The following LVRN variants were observed in gnomAD, a reference collection of about 807,000 sequenced individuals.
The protein encoded by LVRN is laeverin.
In LVRN, 99 loss-of-function variants were observed where a neutral mutation model predicts 111.4. That is an observed-to-expected ratio of 0.89 (90% confidence interval 0.76 to 1.05). The LOEUF (loss-of-function observed/expected upper bound fraction) is 1.05. Among genes scored for constraint, LVRN ranks in the 50% least tolerant of loss-of-function variants. The pLI is 0.00. For synonymous variants in LVRN, 488 were observed against 449.5 expected (o/e 1.09, Z -1.08); for missense variants, 1,414 against 1,206.8 (o/e 1.17, Z -2.54).
chr5:116,005,861 C>T (rs189698134), intron 12 of LVRN, 51 bp from the exon 13 acceptor site: 22 of 1,491,110 alleles, frequency 1.5e-5, no homozygotes, highest in South Asian at 9.0e-5. Flanking sequence ...GAAAACTTTG[C>T]GGAAAAATGT....
chr5:115,994,727 A>G (rs555224290), intron 6 of LVRN, among the ~76,000 whole-genome samples: 1 of 152,332 alleles, frequency 6.6e-6, no homozygotes, highest in East Asian at 1.9e-4. Flanking sequence ...TGAAAATCTA[A>G]TTCTTTCAAC....
intron 6 of LVRN, 142 bp from the exon 7 acceptor site, chr5:115,999,620 C>G (rs1468520625): frequency 4.0e-5 from 32 of 797,656 alleles, no homozygotes; most frequent in African/African-American, 3.6e-5. Flanking sequence ...CTTTATTTGG[C>G]ATATTTCAAC....
chr5:116,002,041 AC>A (rs768832925), intron 10 of LVRN, among the ~76,000 whole-genome samples: 80 of 152,344 alleles, frequency 5.3e-4, no homozygotes, highest in Non-Finnish European at 9.4e-4. Flanking sequence ...ATTTTCAAAT[AC>A]AATCACCAAA....
intron 10 of LVRN, among the ~76,000 whole-genome samples, 199 bp downstream of exon 10, chr5:116,001,438 C>G (rs921435875): frequency 6.6e-6 from 1 of 152,186 alleles, no homozygotes; most frequent in Non-Finnish European, 1.5e-5. Context: ...AGACACAGTG[C>G]CCCTACCCTG....
intron 13 of LVRN, chr5:116,010,398 T>C: frequency 2.7e-6 from 1 of 365,776 alleles, no homozygotes; most frequent in South Asian, 2.3e-5. Flanking sequence ...AGATAGAGAA[T>C]GACTTCTAAT....
intron 1 of LVRN, among the ~76,000 whole-genome samples, chr5:115,977,953 A>G (rs1753482263): frequency 6.6e-6 from 1 of 152,246 alleles, no homozygotes; most frequent in African/African-American, 2.4e-5. Flanking sequence ...TAGAAAGATC[A>G]AGATCAAATA....
intron 9 of LVRN, 45 bp downstream of exon 9, chr5:116,000,703 A>C: frequency 6.3e-7 from 1 of 1,594,074 alleles, no homozygotes; most frequent in Non-Finnish European, 8.6e-7. Flanking sequence ...GTTGTTTTGT[A>C]TGATACAGGA....
intron 3 of LVRN, among the ~76,000 whole-genome samples, chr5:115,985,324 G>A (rs1747832768): frequency 6.6e-6 from 1 of 152,066 alleles, no homozygotes; most frequent in African/African-American, 2.4e-5. Flanking sequence ...TTTATTAAGG[G>A]AACTTAAAGA....
intron 18 of LVRN, chr5:116,021,302 A>G (rs1234280564): frequency 6.6e-6 from 1 of 152,172 alleles, no homozygotes; most frequent in Non-Finnish European, 1.5e-5. Context: ...TCTGTTTTCC[A>G]TTTTTATTTT....
chr5:115,996,173 T>C (rs1580388481), intron 6 of LVRN, among the ~76,000 whole-genome samples: 1 of 152,172 alleles, frequency 6.6e-6, no homozygotes, highest in African/African-American at 2.4e-5. Flanking sequence ...AGGGAAGAAG[T>C]TTAATTCCCA....
intron 18 of LVRN, among the ~76,000 whole-genome samples, chr5:116,018,283 T>C (rs778403198): frequency 6.6e-6 from 1 of 152,242 alleles, no homozygotes; most frequent in Non-Finnish European, 1.5e-5. Flanking sequence ...GGTTCTCTAT[T>C]TACTTTCTCC....
intron 18 of LVRN, among the ~76,000 whole-genome samples, chr5:116,018,173 G>T (rs531616613): frequency 6.6e-6 from 1 of 152,154 alleles, no homozygotes; most frequent in South Asian, 2.1e-4. Context: ...TAAAATAATT[G>T]CCAATTAATA....
chr5:116,002,546 C>A (rs560468081), intron 10 of LVRN, among the ~76,000 whole-genome samples: 1 of 152,304 alleles, frequency 6.6e-6, no homozygotes, highest in East Asian at 1.9e-4. Context: ...TATAATTTAA[C>A]ATACACACGC....
intron 1 of LVRN, among the ~76,000 whole-genome samples, chr5:115,965,303 G>A (rs1482604640): frequency 2.6e-5 from 4 of 152,170 alleles, no homozygotes; most frequent in Admixed American, 6.5e-5. Context: ...GGAGTGGGGA[G>A]TTATTGCTTA....
At chr5:115,969,625 G>A (rs929868006) in intron 1 of LVRN, among the ~76,000 whole-genome samples, 10 of 151,648 alleles carry the variant, frequency 6.6e-5, no homozygotes, top group Admixed American at 2.6e-4. Flanking sequence ...GTGAAACCCC[G>A]TCTCTACTAA....
rs1314999432 is a variant in LVRN at position 115,974,846 on chromosome 5, T to C, written c.696-8441T>C. The C allele has an allele frequency of 2.0e-5, 7 of 348,836 alleles. No homozygotes were observed. In the South Asian group the frequency reaches 2.1e-4, roughly 11 times the overall value. 21.6% of individuals were successfully genotyped at this position (348,836 alleles called of 1,614,324 possible). On this transcript the variant is annotated intron_variant, in intron 1 of 19. Transcript: ENST00000357872. ...CAATTAATATTCACTTGACTTATTT[T>C]AACATTCTCTAATGCTCTCTCCCGA...
At chr5:115,999,975 C>T (rs913314978) in intron 7 of LVRN, 73 bp downstream of exon 7, 7 of 1,457,084 alleles carry the variant, frequency 4.8e-6, no homozygotes, top group Non-Finnish European at 5.6e-6. Flanking sequence ...TCTAAGGGTC[C>T]TATATCATCA....
At position 116,001,241 on chromosome 5, in the gene LVRN, T is replaced by C. The variant is rs1748232272; in HGVS notation, c.1820+2T>C. The C allele has an allele frequency of 6.2e-7, 1 of 1,612,640 alleles. No homozygotes were observed. Among genetic ancestry groups the C allele is most frequent in the South Asian group, 1.1e-5 (1 of 90,688 alleles). The stretch of plus-strand genomic sequence containing the variant: ...AAATCGGACTCTTCTAACCAGCAAG[T>C]AGGTAGCTTTGCTCCTCTTTGTCTT... On this transcript the variant is annotated splice_donor_variant, in intron 10 of 19. Coordinates refer to ENST00000357872, the MANE Select transcript of LVRN (RefSeq NM_173800.5). LOFTEE classifies it high-confidence loss of function.
At chr5:116,019,499 G>A (rs1748669484) in intron 18 of LVRN, among the ~76,000 whole-genome samples, 3 of 152,206 alleles carry the variant, frequency 2.0e-5, no homozygotes, top group Admixed American at 2.0e-4. Flanking sequence ...AATGTATAAT[G>A]ATGCATATTC....
Sources: gnomAD v4.1 joint callset for allele counts (sites outside exome capture counted in the v4.1 genomes callset) on GRCh38, gnomAD v4.1.1 for gene constraint, MANE v1.5 for transcripts, NCBI Gene and HGNC (gene_info 2026-07-23, HGNC 2026-07-21) for gene names.